RERG: variants seen among roughly 807,000 people sequenced by gnomAD.
RERG encodes RAS like estrogen regulated growth inhibitor.
Under a neutral mutation model 23.2 loss-of-function variants are expected in RERG, and 25 were observed. The observed-to-expected ratio is 1.08, with a 90% CI of 0.79 to 1.50. RERG has a LOEUF of 1.50. Among genes scored for constraint, RERG ranks in the 40% most tolerant of loss-of-function variants. RERG has a pLI of 0.00. For missense variants in RERG, 253 were observed against 250.1 expected, an observed-to-expected ratio of 1.01 and a Z score of -0.08; for synonymous variants, 81 against 89.1, an observed-to-expected ratio of 0.91 and a Z score of 0.51.
intron 2 of RERG, among the ~76,000 whole-genome samples, chr12:15,135,370 T>C (rs566731409): frequency 9.7e-5 from 14 of 145,042 alleles, no homozygotes; most frequent in African/African-American, 2.7e-4. Flanking sequence ...AAGACAGTTA[T>C]ATTTTTTTCT....
At chr12:15,197,263 G>C (rs1029845868) in intron 2 of RERG, among the ~76,000 whole-genome samples, 1 of 152,132 alleles carries the variant, frequency 6.6e-6, no homozygotes, top group Non-Finnish European at 1.5e-5. Flanking sequence ...TAGTTAGCAG[G>C]CATCATAAAA....
chr12:15,194,178 G>A (rs1865111279), intron 2 of RERG, among the ~76,000 whole-genome samples: 1 of 152,140 alleles, frequency 6.6e-6, no homozygotes, highest in African/African-American at 2.4e-5. Flanking sequence ...GCAGCTGGGG[G>A]ACATCTATGT....
At chr12:15,207,546 G>A (rs909815185) in intron 2 of RERG, among the ~76,000 whole-genome samples, 1 of 152,134 alleles carries the variant, frequency 6.6e-6, no homozygotes, top group African/African-American at 2.4e-5. Flanking sequence ...GTGACCTCAG[G>A]ATGCCTCAGC....
At chr12:15,177,625 CA>C (rs1218770431) in intron 2 of RERG, among the ~76,000 whole-genome samples, 1 of 152,232 alleles carries the variant, frequency 6.6e-6, no homozygotes, top group East Asian at 1.9e-4. Context: ...CAGAAATAAT[CA>C]AAGTATATTT....
chr12:15,188,571 C>T (rs1865024789), intron 2 of RERG, among the ~76,000 whole-genome samples: 1 of 151,884 alleles, frequency 6.6e-6, no homozygotes, highest in Non-Finnish European at 1.5e-5. Context: ...CTTCCCTGAA[C>T]TCCAGAAATA....
intron 2 of RERG, among the ~76,000 whole-genome samples, chr12:15,142,617 T>A (rs528420334): frequency 5.9e-5 from 9 of 152,192 alleles, no homozygotes; most frequent in Non-Finnish European, 1.2e-4. Flanking sequence ...GACTTATCAA[T>A]TGGCCTCTTC....
intron 4 of RERG, 74 bp from the exon 5 acceptor site, chr12:15,109,591 G>A: frequency 8.4e-7 from 1 of 1,183,710 alleles, no homozygotes; most frequent in East Asian, 2.4e-5. Context: ...AATGCTGACA[G>A]TAATGCCTTA....
chr12:15,166,796 TAAAGA>T (rs1864700741), intron 2 of RERG, among the ~76,000 whole-genome samples: 1 of 152,018 alleles, frequency 6.6e-6, no homozygotes, highest in African/African-American at 2.4e-5. Flanking sequence ...TTTCGATATT[TAAAGA>T]GGTCTTTTAT....
chr12:15,111,842 A>G (rs1863624434), intron 3 of RERG, among the ~76,000 whole-genome samples: 1 of 151,880 alleles, frequency 6.6e-6, no homozygotes, highest in Non-Finnish European at 1.5e-5. Context: ...CACCCAGCTA[A>G]TTTTTGTATT....
chr12:15,134,793 T>A (rs1269378451), intron 2 of RERG, among the ~76,000 whole-genome samples: 1 of 152,068 alleles, frequency 6.6e-6, no homozygotes, highest in African/African-American at 2.4e-5. Context: ...TGTATTTTGG[T>A]AGAGATGGAG....
intron 2 of RERG, among the ~76,000 whole-genome samples, chr12:15,192,320 T>C (rs1417925465): frequency 6.6e-6 from 1 of 152,186 alleles, no homozygotes; most frequent in Admixed American, 6.5e-5. Flanking sequence ...GCTACGATTC[T>C]TGTATAGCCT....
At chr12:15,216,250 G>A (rs1423316271) in intron 2 of RERG, among the ~76,000 whole-genome samples, 1 of 152,226 alleles carries the variant, frequency 6.6e-6, no homozygotes, top group African/African-American at 2.4e-5. Flanking sequence ...TCTTGTGAAG[G>A]CTGGCAGTTT....
rs185189984 is a variant in RERG at position 15,204,196 on chromosome 12, G to A, written c.61+13233C>T. Among the ~76,000 whole-genome samples the A allele has an allele frequency of 3.1e-3, 466 of 151,850 alleles. 4 individuals are homozygous for A. The highest frequency in any genetic ancestry group is 0.011 in the African/African-American group (450 of 41,484). On this transcript the variant is annotated intron_variant, in intron 2 of 4. Transcript: ENST00000256953. ...TTACAATGCTATAGTAATCAAAACA[G>A]TATCATATTGGCATAAAAACAGGCA... is the stretch of plus-strand genomic sequence containing the variant.
intron 3 of RERG, among the ~76,000 whole-genome samples, chr12:15,116,692 T>C (rs1040559388): frequency 7.9e-5 from 12 of 152,188 alleles, no homozygotes; most frequent in African/African-American, 2.9e-4. Flanking sequence ...ATGGAAGTAT[T>C]GCCCGAAAAG....
In RERG at chr12:15,129,676, AG is replaced by A. The variant is rs550205950; in HGVS notation, c.62-8558del. Among the ~76,000 whole-genome samples, 133 of 152,080 alleles carry A rather than the reference AG, an allele frequency of 8.7e-4. 2 individuals are homozygous for A. The highest frequency in any genetic ancestry group is 4.6e-3 in the Admixed American group (71 of 15,280). On this transcript the variant is annotated intron_variant, in intron 2 of 4. Coordinates refer to ENST00000256953, the MANE Select transcript of RERG (RefSeq NM_032918.3). ...GAGAGAAGGGGCCAAGACACAAGAG[AG>A]CTAGTTCAGTTAGGAATCACATGTG...
At chr12:15,121,216 T>A (rs1863825986) in intron 2 of RERG, 97 bp from the exon 3 acceptor site, 1 of 804,466 alleles carries the variant, frequency 1.2e-6, no homozygotes, top group South Asian at 1.6e-5. Context: ...CACAACCCTA[T>A]AAATGCTTTA....
rs189637344 is a variant in RERG at position 15,120,536 on chromosome 12, A to G, written c.118+527T>C. Among the ~76,000 whole-genome samples the G allele has an allele frequency of 2.3e-4, 35 of 152,048 alleles. No individual in the cohort carries two copies. The East Asian group carries it at 6.6e-3, about 29-fold the overall frequency. On this transcript the variant is annotated intron_variant, in intron 3 of 4. Coordinates refer to ENST00000256953, the MANE Select transcript of RERG (RefSeq NM_032918.3). ...AAGAGTGTTTGCCTACATTTTATAC[A>G]TCAACATTATTACTATTTTTAAGAT...
At chr12:15,143,713 A>C (rs1426198113) in intron 2 of RERG, among the ~76,000 whole-genome samples, 4 of 152,136 alleles carry the variant, frequency 2.6e-5, no homozygotes, top group African/African-American at 7.2e-5. Flanking sequence ...CAGATACTAA[A>C]ACAAAAACCA....
At chr12:15,144,633 G>A (rs1052071844) in intron 2 of RERG, among the ~76,000 whole-genome samples, 2 of 152,196 alleles carry the variant, frequency 1.3e-5, no homozygotes, top group African/African-American at 4.8e-5. Context: ...ATTGGTGGCC[G>A]AGTGGTGTGG....
Sources: allele counts gnomAD v4.1 joint callset (sites outside exome capture counted in the v4.1 genomes callset), GRCh38; gene constraint gnomAD v4.1.1; transcripts MANE v1.5; gene names NCBI Gene and HGNC (gene_info 2026-07-23, HGNC 2026-07-21).